Variants in CPED1 observed in about 807,000 individuals in gnomAD.
CPED1 encodes the protein cadherin like and PC-esterase domain containing 1, also known as cadherin-like and PC-esterase domain-containing protein 1.
Under a neutral mutation model 128.2 loss-of-function variants are expected in CPED1, and 114 were observed. The observed-to-expected ratio is 0.89, with a 90% CI of 0.76 to 1.04. The LOEUF (loss-of-function observed/expected upper bound fraction) is 1.04, where lower values mean the gene tolerates loss of function less well. CPED1 is among the 50% of genes least tolerant of loss of function. The pLI is 0.00. For synonymous variants in CPED1, 462 were observed against 426.7 expected (o/e 1.08, Z -1.02); for missense variants, 1,211 against 1,207.1 (o/e 1.00, Z -0.05).
chr7:120,992,624 A>G (rs1249730054), intron 2 of CPED1, among the ~76,000 whole-genome samples: 1 of 152,214 alleles, frequency 6.6e-6, no homozygotes, highest in African/African-American at 2.4e-5. Flanking sequence ...TCATAGTTAA[A>G]GACTTCAACT....
intron 3 of CPED1, 58 bp from the exon 4 acceptor site, chr7:121,046,829 A>G (rs76186630): frequency 1.9e-5 from 21 of 1,118,356 alleles, no homozygotes; most frequent in Non-Finnish European, 2.5e-5. Context: ...AGAATTAAAT[A>G]TTGCTTTTAA....
intron 18 of CPED1, among the ~76,000 whole-genome samples, chr7:121,248,206 G>C (rs557868913): frequency 6.7e-4 from 93 of 139,104 alleles, no homozygotes; most frequent in Non-Finnish European, 1.3e-3. Context: ...AGAGCACTAA[G>C]AGGGATGACA....
intron 16 of CPED1, among the ~76,000 whole-genome samples, chr7:121,187,698 G>A (rs993854543): frequency 6.6e-6 from 1 of 152,112 alleles, no homozygotes; most frequent in Non-Finnish European, 1.5e-5. Context: ...ATTACTTGCA[G>A]GTTATAGAAG....
chr7:121,064,842 A>T (rs565471357), intron 5 of CPED1, among the ~76,000 whole-genome samples: 1 of 152,316 alleles, frequency 6.6e-6, no homozygotes, highest in African/African-American at 2.4e-5. Context: ...CCCAGAGTGG[A>T]AAAAGCATCA....
At position 121,018,249 on chromosome 7, in the gene CPED1, A is replaced by G. The variant is rs150132202; in HGVS notation, c.433+2401A>G. Among the ~76,000 whole-genome samples, 269 of 152,312 alleles carry G rather than the reference A, an allele frequency of 1.8e-3. 1 individual carries two copies. Among genetic ancestry groups the G allele is most frequent in the African/African-American group, 6.2e-3 (258 of 41,572 alleles). On this transcript the variant is annotated intron_variant, in intron 3 of 22. Coordinates refer to ENST00000310396, the MANE Select transcript of CPED1 (RefSeq NM_024913.5). ...ATTTTCCATGCCACAAATTTAATCT[A>G]TAAATTATGTTTGAATTGAGGCACT...
chr7:121,069,334 G>C (rs1225865340), intron 5 of CPED1, among the ~76,000 whole-genome samples: 1 of 152,136 alleles, frequency 6.6e-6, no homozygotes, highest in Non-Finnish European at 1.5e-5. Context: ...GTTTGGCAAT[G>C]ATCAATAATG....
At chr7:121,280,115 G>C (rs2952559) in intron 22 of CPED1, among the ~76,000 whole-genome samples, 40,135 of 152,156 alleles carry the variant, frequency 0.26, 7,404 homozygotes, top group African/African-American at 0.52. Flanking sequence ...AAGAGCGTTA[G>C]ATAGAAACAA....
At chr7:120,994,589 C>T (rs2116735409) in intron 2 of CPED1, among the ~76,000 whole-genome samples, 1 of 149,768 alleles carries the variant, frequency 6.7e-6, no homozygotes, top group South Asian at 2.1e-4. Flanking sequence ...AGCTGGATAG[C>T]CTGATACATT....
intron 2 of CPED1, among the ~76,000 whole-genome samples, chr7:120,997,617 C>T (rs549309839): frequency 2.6e-5 from 4 of 152,074 alleles, no homozygotes; most frequent in Non-Finnish European, 5.9e-5. Flanking sequence ...TCCAATATGA[C>T]TGGTGTTATA....
chr7:121,120,609 A>G (rs1795360226), intron 7 of CPED1, among the ~76,000 whole-genome samples: 1 of 152,170 alleles, frequency 6.6e-6, no homozygotes. Context: ...ATTCAAGAAC[A>G]TTACTTTGAA....
chr7:121,143,089 T>G (rs1795943966), intron 16 of CPED1, among the ~76,000 whole-genome samples: 3 of 152,022 alleles, frequency 2.0e-5, no homozygotes, highest in African/African-American at 7.2e-5. Flanking sequence ...ATAATTTTTA[T>G]TTTTTGAGGA....
At chr7:121,101,644 G>A (rs1298584130) in intron 7 of CPED1, among the ~76,000 whole-genome samples, 4 of 152,080 alleles carry the variant, frequency 2.6e-5, no homozygotes, top group Non-Finnish European at 5.9e-5. Flanking sequence ...TGTTTATTTA[G>A]TTCATGGTTC....
At position 121,050,809 on chromosome 7, in the gene CPED1, C is replaced by T. The variant is rs115836586; in HGVS notation, c.540+3816C>T. On this transcript the variant is annotated intron_variant, in intron 4 of 22. Coordinates refer to ENST00000310396, the MANE Select transcript of CPED1 (RefSeq NM_024913.5). The stretch of plus-strand genomic sequence containing the variant: ...TTCTGGTGGGTCTCAGCAGCTCAGG[C>T]GGCGGGAGGAGCGGCAGCGGCCAGG... 2.9e-3 allele frequency: 1,316 copies of T among 459,344 alleles called. 13 individuals are homozygous for T. Among genetic ancestry groups the T allele is most frequent in the African/African-American group, 0.023 (1,161 of 50,174 alleles). The allele number at this position is 459,344 out of a possible 1,614,324, so 28.5% of individuals were successfully genotyped here.
intron 5 of CPED1, among the ~76,000 whole-genome samples, chr7:121,078,525 A>G (rs1794196315): frequency 7.0e-6 from 1 of 142,276 alleles, no homozygotes; most frequent in Non-Finnish European, 1.5e-5. Context: ...AAAAAAAAAA[A>G]GACTTCTATT....
chr7:121,271,163 C>A, intron 21 of CPED1, 121 bp from the exon 22 acceptor site: 1 of 687,022 alleles, frequency 1.5e-6, no homozygotes, highest in Non-Finnish European at 2.3e-6. Context: ...TGTGAAGTTC[C>A]TTATCTTACA....
At chr7:121,148,242 C>A (rs985094829) in intron 16 of CPED1, among the ~76,000 whole-genome samples, 4 of 152,076 alleles carry the variant, frequency 2.6e-5, no homozygotes, top group Non-Finnish European at 5.9e-5. Context: ...TTATTAAGTA[C>A]CCACTATGCA....
chr7:121,228,448 C>A (rs576485119), intron 16 of CPED1, among the ~76,000 whole-genome samples: 4 of 151,512 alleles, frequency 2.6e-5, no homozygotes, highest in Non-Finnish European at 5.9e-5. Context: ...TATTACCTAA[C>A]TCCAGTCAGA....
intron 3 of CPED1, 49 bp downstream of exon 3, chr7:121,015,897 G>T: frequency 7.8e-7 from 1 of 1,284,448 alleles, no homozygotes; most frequent in South Asian, 2.8e-5. Flanking sequence ...ATATAATGTT[G>T]AACAATTTCT....
At chr7:121,080,482 A>C (rs1014315899) in intron 5 of CPED1, among the ~76,000 whole-genome samples, 12 of 152,124 alleles carry the variant, frequency 7.9e-5, no homozygotes, top group African/African-American at 2.7e-4. Context: ...TTTTTGCAGA[A>C]GTGGTCAAAC....
Sources: gnomAD v4.1 joint callset for allele counts (sites outside exome capture counted in the v4.1 genomes callset) on GRCh38, gnomAD v4.1.1 for gene constraint, MANE v1.5 for transcripts, NCBI Gene and HGNC (gene_info 2026-07-23, HGNC 2026-07-21) for gene names.